HDAC4: variants seen among roughly 807,000 people sequenced by gnomAD.
HDAC4 encodes histone deacetylase A.
Under a neutral mutation model 135.1 loss-of-function variants are expected in HDAC4, and 16 were observed. The observed-to-expected ratio is 0.12, with a 90% confidence interval of 0.08 to 0.18. The LOEUF is 0.18. Among genes scored for constraint, HDAC4 ranks in the 10% least tolerant of loss-of-function variants. HDAC4 has a pLI of 1.00. For synonymous variants in HDAC4, 685 were observed against 653.4 expected (o/e 1.05, Z -0.74); for missense variants, 1,143 against 1,511.8 (o/e 0.76, Z 4.05).
chr2:239,392,345 A>G (rs1696283422), intron 1 of HDAC4, among the ~76,000 whole-genome samples: 1 of 152,258 alleles, frequency 6.6e-6, no homozygotes. Flanking sequence ...GGATTCCAAC[A>G]CAGAGCCCTT....
At chr2:239,258,675 A>T (rs917552757) in intron 2 of HDAC4, among the ~76,000 whole-genome samples, 3 of 152,232 alleles carry the variant, frequency 2.0e-5, no homozygotes. Flanking sequence ...ATGAACACCC[A>T]TATAAAGAAC....
rs991994799 is a variant in HDAC4, at chr2:239,262,783, G to A, written c.23-26119C>T. Among the ~76,000 whole-genome samples, 16 of 152,242 alleles carry A rather than the reference G, an allele frequency of 1.1e-4. No homozygotes were observed. The highest frequency in any genetic ancestry group is 9.8e-4 in the Admixed American group (15 of 15,290). On this transcript the variant is annotated intron_variant, in intron 2 of 26. Transcript: ENST00000543185. The surrounding 1 kb of genome is among the most constrained non-coding windows in gnomAD (Gnocchi z 4.1). ...CCCAAGAACACAGACGAGGAGGCCT[G>A]TGCTCAGGCACTAAGGACACGGAGG...
chr2:239,086,260 C>T (rs1172776616), intron 19 of HDAC4, among the ~76,000 whole-genome samples: 1 of 47,226 alleles, frequency 2.1e-5, no homozygotes, highest in Non-Finnish European at 4.2e-5. Context: ...CTCTAACACG[C>T]GGATCTGACT....
chr2:239,381,374 G>A lies in HDAC4; in HGVS notation c.-220+19604C>T, dbSNP rs982739173. Among the ~76,000 whole-genome samples the A allele has an allele frequency of 2.6e-5, 4 of 151,612 alleles. No individual in the cohort carries two copies. The East Asian group carries it at 7.7e-4, about 29-fold the overall frequency. ...CAAAACACGCTCTGGCTGGGAAAAT[G>A]TAAGTTCTGGGGAATCGAAACCCAT... On this transcript the variant is annotated intron_variant, in intron 1 of 26. Transcript: ENST00000543185.
intron 3 of HDAC4, among the ~76,000 whole-genome samples, chr2:239,197,379 C>G (rs571171806): frequency 1.3e-5 from 2 of 152,202 alleles, no homozygotes; most frequent in African/African-American, 4.8e-5. Context: ...TCTCCAGGCC[C>G]CCAGCGTTCC....
intron 4 of HDAC4, among the ~76,000 whole-genome samples, chr2:239,189,562 A>G (rs991410529): frequency 6.6e-6 from 1 of 152,242 alleles, no homozygotes; most frequent in African/African-American, 2.4e-5. Context: ...TTCGGATGAA[A>G]TTAGGCGATA....
intron 3 of HDAC4, among the ~76,000 whole-genome samples, chr2:239,217,372 T>C (rs546609466): frequency 1.3e-5 from 2 of 152,154 alleles, no homozygotes; most frequent in Admixed American, 6.5e-5. Flanking sequence ...AAACTGAAAT[T>C]TGGGGGAAGA....
At chr2:239,358,954 A>T (rs1693691145) in intron 1 of HDAC4, among the ~76,000 whole-genome samples, 1 of 152,214 alleles carries the variant, frequency 6.6e-6, no homozygotes, top group South Asian at 2.1e-4. Context: ...CATTTGTAAG[A>T]GAGTTAAATT....
intron 12 of HDAC4, among the ~76,000 whole-genome samples, chr2:239,124,951 G>A (rs920070616): frequency 1.7e-4 from 25 of 149,906 alleles, no homozygotes; most frequent in African/African-American, 4.4e-4. Context: ...GACATTCCAC[G>A]TTATGTGACA....
At position 239,222,284 on chromosome 2, in the gene HDAC4, G is replaced by A. The variant is rs528688738; in HGVS notation, c.94+14309C>T. Among the ~76,000 whole-genome samples the A allele has an allele frequency of 8.5e-5, 13 of 152,280 alleles. No individual in the cohort carries two copies. In the East Asian group the frequency reaches 1.9e-3, roughly 23 times the overall value. The stretch of plus-strand genomic sequence containing the variant: ...TTCTGTTCCACAATTTAATGAAAAC[G>A]CAAGTGTTAGATTTTTTCCCTGCTC... On this transcript the variant is annotated intron_variant, in intron 3 of 26. Transcript: ENST00000543185.
chr2:239,054,454 G>T (rs1238625445), intron 25 of HDAC4, among the ~76,000 whole-genome samples: 2 of 152,112 alleles, frequency 1.3e-5, no homozygotes, highest in Non-Finnish European at 1.5e-5. Flanking sequence ...CTGCTAGCTG[G>T]GGACCTAGAG....
chr2:239,225,680 A>G (rs2047202606), intron 3 of HDAC4, among the ~76,000 whole-genome samples: 1 of 152,192 alleles, frequency 6.6e-6, no homozygotes, highest in Non-Finnish European at 1.5e-5. Flanking sequence ...AAGAAGTGCC[A>G]GCCCCTTCCT....
chr2:239,221,641 CA>C (rs2046966285), intron 3 of HDAC4, among the ~76,000 whole-genome samples: 1 of 146,690 alleles, frequency 6.8e-6, no homozygotes, highest in Admixed American at 6.7e-5. Context: ...CACACACACA[CA>C]CACACACACA....
intron 5 of HDAC4, among the ~76,000 whole-genome samples, chr2:239,165,065 A>G (rs1049287936): frequency 6.6e-6 from 1 of 152,098 alleles, no homozygotes; most frequent in East Asian, 1.9e-4. Context: ...TCTACTAAAA[A>G]TACAAAAATT....
chr2:239,191,549 C>T (rs2044957195), intron 3 of HDAC4, among the ~76,000 whole-genome samples: 1 of 152,256 alleles, frequency 6.6e-6, no homozygotes, highest in Admixed American at 6.5e-5. Flanking sequence ...AGGACTCAGC[C>T]TTCTCCTGAG....
At chr2:239,314,130 A>C (rs1347569975) in intron 2 of HDAC4, among the ~76,000 whole-genome samples, 2 of 152,180 alleles carry the variant, frequency 1.3e-5, no homozygotes, top group Non-Finnish European at 2.9e-5. Context: ...TAGCACCTGC[A>C]AACACAGGCA....
chr2:239,099,321 G>A (rs1476998232), intron 16 of HDAC4, among the ~76,000 whole-genome samples: 3 of 152,250 alleles, frequency 2.0e-5, no homozygotes, highest in African/African-American at 7.2e-5. Context: ...GGAGGTGGGC[G>A]CACAGAACTG....
chr2:239,370,411 C>A (rs1163919943), intron 1 of HDAC4, among the ~76,000 whole-genome samples: 1 of 152,178 alleles, frequency 6.6e-6, no homozygotes, highest in African/African-American at 2.4e-5. Context: ...AATCAAGATG[C>A]AGTTTTAAAG....
At chr2:239,163,541 AGGGCAG>A (rs528826169) in intron 6 of HDAC4, among the ~76,000 whole-genome samples, 291 of 151,198 alleles carry the variant, frequency 1.9e-3, no homozygotes, top group African/African-American at 6.9e-3. Context: ...TCCCCCTGTG[AGGGCAG>A]GGGCAGCTGC....
Sources: allele counts gnomAD v4.1 joint callset (sites outside exome capture counted in the v4.1 genomes callset), GRCh38; gene constraint gnomAD v4.1.1; non-coding constraint Gnocchi (gnomAD v3.1); transcripts MANE v1.5; gene names NCBI Gene and HGNC (gene_info 2026-07-23, HGNC 2026-07-21).